Variants in LRRC4C observed in about 807,000 individuals in gnomAD.
The protein encoded by LRRC4C is leucine rich repeat containing 4C.
In LRRC4C, 5 loss-of-function variants were observed where a neutral mutation model predicts 33.6. That is an observed-to-expected ratio of 0.15 (90% CI 0.08 to 0.31). The LOEUF (loss-of-function observed/expected upper bound fraction) is 0.31. LRRC4C is among the 10% of genes least tolerant of loss of function. The pLI is 1.00. For synonymous variants in LRRC4C, 329 were observed against 302.0 expected, an observed-to-expected ratio of 1.09 and a Z score of -0.93; for missense variants, 560 against 796.7, an observed-to-expected ratio of 0.70 and a Z score of 3.58.
intron 3 of LRRC4C, among the ~76,000 whole-genome samples, chr11:40,581,675 G>A (rs1184120175): frequency 5.3e-5 from 8 of 152,234 alleles, no homozygotes; most frequent in South Asian, 4.1e-4. Flanking sequence ...AGGCCGAGGC[G>A]GGCAAATCAC....
chr11:41,329,789 T>C (rs2137358484), intron 1 of LRRC4C, among the ~76,000 whole-genome samples: 1 of 152,330 alleles, frequency 6.6e-6, no homozygotes, highest in South Asian at 2.1e-4. Flanking sequence ...TGGCAGACTC[T>C]ACTGACATTT....
At chr11:40,454,727 A>G (rs188326859) in intron 3 of LRRC4C, among the ~76,000 whole-genome samples, 239 of 152,302 alleles carry the variant, frequency 1.6e-3, no homozygotes, top group Admixed American at 5.0e-3. Context: ...TTGGGGCTCA[A>G]TGTAATGAAG....
chr11:40,119,282 A>G (rs1337204259), intron 6 of LRRC4C, among the ~76,000 whole-genome samples: 1 of 152,190 alleles, frequency 6.6e-6, no homozygotes, highest in Non-Finnish European at 1.5e-5. Context: ...AAAGTCCTCC[A>G]TTGCTTTCTG....
intron 1 of LRRC4C, among the ~76,000 whole-genome samples, chr11:41,012,020 T>A (rs1330655573): frequency 6.6e-6 from 1 of 151,380 alleles, no homozygotes; most frequent in Non-Finnish European, 1.5e-5. Flanking sequence ...ATCCTATAAT[T>A]TGTAAAGATC....
chr11:40,902,494 A>G (rs1175497463), intron 2 of LRRC4C, among the ~76,000 whole-genome samples: 2 of 152,102 alleles, frequency 1.3e-5, no homozygotes, highest in East Asian at 3.9e-4. Flanking sequence ...GTCACCCTAC[A>G]TTCAATTTAA....
chr11:40,722,036 C>G (rs1404532719), intron 2 of LRRC4C, among the ~76,000 whole-genome samples: 1 of 152,044 alleles, frequency 6.6e-6, no homozygotes, highest in African/African-American at 2.4e-5. Flanking sequence ...AGGAGGGAAC[C>G]CTGGTTAGAT....
rs762439825 is a variant in LRRC4C at position 40,116,209 on chromosome 11, C to A, written c.84G>T (p.Val28=). 2 of 1,613,900 alleles carry A rather than the reference C, an allele frequency of 1.2e-6. No individual in the cohort carries two copies. The change falls in exon 7 of 7, where the codon GTG becomes GTT. Residue 28 remains valine, a synonymous_variant. Transcript: ENST00000528697. ...CAAGAAGTTGAAGAGCCAGCAGCAC[C>A]ACAAGCAGGGGGTCAAATAGGGCCC... is the stretch of plus-strand genomic sequence containing the variant. ...FNRALFDPLL[V]VLLALQLLVV...
intron 5 of LRRC4C, among the ~76,000 whole-genome samples, chr11:40,222,757 C>T (rs994262393): frequency 1.3e-5 from 2 of 152,228 alleles, no homozygotes; most frequent in Non-Finnish European, 1.5e-5. Flanking sequence ...TAGGATGACT[C>T]CACAGGGAAG....
intron 5 of LRRC4C, among the ~76,000 whole-genome samples, chr11:40,152,811 A>C (rs1012273226): frequency 6.6e-6 from 1 of 152,138 alleles, no homozygotes; most frequent in Non-Finnish European, 1.5e-5. Context: ...GTCTGAGCTC[A>C]GACACGCCTG....
At chr11:41,230,035 C>T (rs907453928) in intron 1 of LRRC4C, among the ~76,000 whole-genome samples, 8 of 151,940 alleles carry the variant, frequency 5.3e-5, no homozygotes, top group African/African-American at 1.9e-4. Flanking sequence ...TTTTTCTTGT[C>T]CTCATCATAT....
chr11:40,412,935 A>G (rs76191386), intron 3 of LRRC4C, among the ~76,000 whole-genome samples: 73 of 152,230 alleles, frequency 4.8e-4, no homozygotes, highest in African/African-American at 1.7e-3. Context: ...TGTTATATTC[A>G]GAGAAAAGAA....
rs1455641005 is a variant in LRRC4C, at chr11:40,576,333, CT to C, written c.-270+71808del. ...AATATTTGGCATCTGGAATCAAGAC[CT>C]TTGGTCACTGTCTTATTCTTATGAC... On this transcript the variant is annotated intron_variant, in intron 3 of 6. Transcript: ENST00000528697. Among the ~76,000 whole-genome samples the C allele has an allele frequency of 2.6e-5, 4 of 152,178 alleles. No homozygotes were observed. In the East Asian group the frequency reaches 7.7e-4, roughly 29 times the overall value.
At chr11:40,449,037 T>TA (rs1951769952) in intron 3 of LRRC4C, among the ~76,000 whole-genome samples, 1 of 152,222 alleles carries the variant, frequency 6.6e-6, no homozygotes, top group South Asian at 2.1e-4. Context: ...GTTGGCTGCA[T>TA]AAATGTCTTC....
chr11:40,947,180 T>C (rs769179220), intron 1 of LRRC4C, among the ~76,000 whole-genome samples: 2 of 152,204 alleles, frequency 1.3e-5, no homozygotes, highest in Non-Finnish European at 2.9e-5. Flanking sequence ...TAATCATGTA[T>C]GACTTTTTTA....
intron 5 of LRRC4C, among the ~76,000 whole-genome samples, chr11:40,203,997 A>T (rs1862962238): frequency 6.6e-6 from 1 of 152,120 alleles, no homozygotes; most frequent in Admixed American, 6.5e-5. Context: ...ATCATAGCTC[A>T]CTGCAGCCTC....
chr11:41,147,639 G>A (rs959309999), intron 1 of LRRC4C, among the ~76,000 whole-genome samples: 2 of 152,186 alleles, frequency 1.3e-5, no homozygotes, highest in Admixed American at 6.5e-5. Context: ...TATGCAATGT[G>A]AGAGACATGA....
At chr11:41,306,988 G>C (rs1950522425) in intron 1 of LRRC4C, among the ~76,000 whole-genome samples, 1 of 152,154 alleles carries the variant, frequency 6.6e-6, no homozygotes, top group Non-Finnish European at 1.5e-5. Context: ...ATCAAATCTA[G>C]ATAGTTGTAG....
chr11:40,246,546 G>A (rs1483392524), intron 4 of LRRC4C, among the ~76,000 whole-genome samples: 1 of 152,040 alleles, frequency 6.6e-6, no homozygotes, highest in Non-Finnish European at 1.5e-5. Context: ...TCTTCTATTA[G>A]CGGCAGAAAT....
intron 2 of LRRC4C, among the ~76,000 whole-genome samples, chr11:40,746,289 A>G (rs995699719): frequency 6.6e-6 from 1 of 152,152 alleles, no homozygotes; most frequent in African/African-American, 2.4e-5. Context: ...CCTGGTTCCT[A>G]CACTAGACAT....
Sources: allele counts gnomAD v4.1 joint callset (sites outside exome capture counted in the v4.1 genomes callset), GRCh38; gene constraint gnomAD v4.1.1; transcripts MANE v1.5; gene names NCBI Gene and HGNC (gene_info 2026-07-23, HGNC 2026-07-21).